The following CSMD1 variants were observed in gnomAD, a reference collection of about 807,000 sequenced individuals.
The protein encoded by CSMD1 is CUB and Sushi multiple domains 1.
CSMD1 carries 213 observed loss-of-function variants against 417.5 expected under a neutral mutation model. The ratio of observed to expected loss-of-function variants is 0.51; its 90% CI spans 0.46 to 0.57. The LOEUF is 0.57. Ranked by LOEUF, CSMD1 falls within the 20% of genes least tolerant of loss-of-function variation. CSMD1 has a pLI of 0.00. For missense variants in CSMD1, 6,923 were observed against 4,529.7 expected (o/e 1.53, Z -15.17); for synonymous variants, 2,862 against 1,736.8 (o/e 1.65, Z -16.11).
At chr8:3,247,158 C>T (rs1799934589) in intron 26 of CSMD1, among the ~76,000 whole-genome samples, 1 of 152,062 alleles carries the variant, frequency 6.6e-6, no homozygotes, top group African/African-American at 2.4e-5. Context: ...TTGTGGGATG[C>T]AGGGCAAGGG....
Position 2,965,837 on chromosome 8 carries a change from G to T in CSMD1, c.9218C>A (p.Thr3073Lys). ...TTTGGTACAGCGAATAGTGGCGGAT[G>T]TGACTGCTTCCATGACATAGCCTGG... ...CNPGYVMEAV[T>K]SATIRCTKDG... The change falls in exon 59 of 70, where the codon ACA becomes AAA. Residue 3073 changes from threonine to lysine, a missense_variant. By Grantham distance (78) the Thr-to-Lys change is moderately conservative (BLOSUM62 -1). Transcript: ENST00000635120. The T allele has an allele frequency of 6.2e-7, 1 of 1,608,656 alleles. No homozygotes were observed. The highest frequency in any genetic ancestry group is 8.5e-7 in the Non-Finnish European group (1 of 1,177,398).
intron 3 of CSMD1, among the ~76,000 whole-genome samples, chr8:4,311,471 C>A (rs1180207039): frequency 6.6e-6 from 1 of 152,006 alleles, no homozygotes; most frequent in African/African-American, 2.4e-5. Context: ...AGCTGTAATC[C>A]CAGCATTTCA....
chr8:4,595,545 G>C (rs1172614333), intron 2 of CSMD1, among the ~76,000 whole-genome samples: 4 of 151,992 alleles, frequency 2.6e-5, no homozygotes, highest in Non-Finnish European at 5.9e-5. Flanking sequence ...ACTAGCTCTG[G>C]TGGCACAGAA....
chr8:3,304,108 C>A (rs74959410), intron 25 of CSMD1, among the ~76,000 whole-genome samples: 2 of 151,990 alleles, frequency 1.3e-5, no homozygotes, highest in Non-Finnish European at 2.9e-5. Context: ...TTCCAAGATC[C>A]GGCTGTTTAT....
intron 3 of CSMD1, among the ~76,000 whole-genome samples, chr8:4,283,215 T>C (rs955121154): frequency 1.3e-5 from 2 of 152,200 alleles, no homozygotes; most frequent in Non-Finnish European, 2.9e-5. Flanking sequence ...ATGATTTTTC[T>C]AAATTTAAAG....
At chr8:3,031,928 T>A (rs1810366254) in intron 50 of CSMD1, among the ~76,000 whole-genome samples, 1 of 151,462 alleles carries the variant, frequency 6.6e-6, no homozygotes, top group Admixed American at 6.6e-5. Flanking sequence ...TACATTTTTT[T>A]AGTATAGTGA....
intron 2 of CSMD1, among the ~76,000 whole-genome samples, chr8:4,554,568 C>T (rs1526333): frequency 1.3e-5 from 2 of 151,982 alleles, no homozygotes; most frequent in African/African-American, 4.8e-5. Flanking sequence ...AAGTTAAGAG[C>T]GAAGCTGTAT....
intron 7 of CSMD1, among the ~76,000 whole-genome samples, chr8:3,635,858 G>C (rs1412094529): frequency 6.7e-6 from 1 of 150,298 alleles, no homozygotes; most frequent in Non-Finnish European, 1.5e-5. Flanking sequence ...GCACACTTAG[G>C]TTACTCTACA....
chr8:3,024,628 TTG>T (rs935120987), intron 51 of CSMD1, among the ~76,000 whole-genome samples: 1 of 152,228 alleles, frequency 6.6e-6, no homozygotes, highest in African/African-American at 2.4e-5. Flanking sequence ...TTTTTAAAAA[TTG>T]TGTTTTTCAC....
rs141850365 is a variant in CSMD1 at position 4,189,260 on chromosome 8, G to A, written c.416-157161C>T. Reference sequence around the variant, plus strand: ...GATCTAAGCCCACCTTTGCCCATCTGTAGAGAAACACTTCCTATCTCTTTA... The same window carrying A: ...GATCTAAGCCCACCTTTGCCCATCTATAGAGAAACACTTCCTATCTCTTTA... On this transcript the variant is annotated intron_variant, in intron 3 of 69. Coordinates refer to ENST00000635120, the MANE Select transcript of CSMD1 (RefSeq NM_033225.6). Among the ~76,000 whole-genome samples the A allele has an allele frequency of 9.0e-3, 1,366 of 152,296 alleles. 17 individuals carry two copies. Among genetic ancestry groups the A allele is most frequent in the African/African-American group, 0.031 (1,270 of 41,578 alleles).
At chr8:3,497,249 C>T (rs548090846) in intron 10 of CSMD1, among the ~76,000 whole-genome samples, 1 of 152,144 alleles carries the variant, frequency 6.6e-6, no homozygotes, top group African/African-American at 2.4e-5. Flanking sequence ...GCAGGATGTT[C>T]AAGTCCACAT....
Position 3,284,314 on chromosome 8 carries a change from G to T in CSMD1, c.3983C>A (p.Ala1328Asp), listed in dbSNP as rs1802975658. The T allele has an allele frequency of 6.2e-7, 1 of 1,613,900 alleles. No individual in the cohort carries two copies. The highest frequency in any genetic ancestry group is 2.2e-5 in the East Asian group (1 of 44,866). The change falls in exon 26 of 70, where the codon GCT (alanine) becomes GAT (aspartate). Residue 1328 changes from alanine (A) to aspartate (D), a missense_variant. Transcript: ENST00000635120. The part of the protein sequence containing the change: ...LHFIVFDTEM[A>D]HDILKVWDGP... The stretch of plus-strand genomic sequence containing the variant: ...GTCCCAGACCTTGAGGATGTCGTGA[G>T]CCATCTCCGTGTCGAAAACAATGAA...
At chr8:4,386,710 T>C (rs980039134) in intron 3 of CSMD1, among the ~76,000 whole-genome samples, 1 of 152,172 alleles carries the variant, frequency 6.6e-6, no homozygotes, top group Non-Finnish European at 1.5e-5. Context: ...AGGATCCAGA[T>C]GGTAAGGGAT....
intron 10 of CSMD1, among the ~76,000 whole-genome samples, chr8:3,540,429 C>A (rs540391165): frequency 6.6e-6 from 1 of 152,086 alleles, no homozygotes; most frequent in African/African-American, 2.4e-5. Flanking sequence ...TATAAAAACC[C>A]TAGAATAAAA....
At chr8:4,120,379 T>A (rs940522460) in intron 3 of CSMD1, among the ~76,000 whole-genome samples, 1 of 152,242 alleles carries the variant, frequency 6.6e-6, no homozygotes, top group African/African-American at 2.4e-5. Flanking sequence ...CTTAGACTAA[T>A]GCCAACATGC....
chr8:3,610,339 C>T (rs879876841), intron 8 of CSMD1, among the ~76,000 whole-genome samples: 1 of 152,064 alleles, frequency 6.6e-6, no homozygotes, highest in Non-Finnish European at 1.5e-5. Flanking sequence ...TAGAAACCAG[C>T]CTAGGCAACA....
In CSMD1 at chr8:3,138,879, C is replaced by T. The variant is rs1203827032; in HGVS notation, c.6241+3586G>A. ...AAGAAAGCATGGTAAACGCTTTCATCACAAAAGGAATAAGTCCGGTCTGCC... is the reference window on the plus strand; with the variant it reads ...AAGAAAGCATGGTAAACGCTTTCATTACAAAAGGAATAAGTCCGGTCTGCC... On this transcript the variant is annotated intron_variant, in intron 41 of 69. Transcript: ENST00000635120. Among the ~76,000 whole-genome samples, 3 of 152,110 alleles carry T rather than the reference C, an allele frequency of 2.0e-5. No homozygotes were observed. In the East Asian group the frequency reaches 5.8e-4, roughly 29 times the overall value.
intron 4 of CSMD1, among the ~76,000 whole-genome samples, chr8:4,011,032 G>A (rs912161801): frequency 6.6e-6 from 1 of 152,174 alleles, no homozygotes; most frequent in African/African-American, 2.4e-5. Context: ...TCCTTCTAAA[G>A]CTGCCAGCAT....
At chr8:4,775,350 G>A (rs57157386) in intron 1 of CSMD1, among the ~76,000 whole-genome samples, 25,246 of 151,948 alleles carry the variant, frequency 0.17, 2,136 homozygotes, top group East Asian at 0.27. Context: ...GGAACACTAC[G>A]AATTTTTATA....
Sources: gnomAD v4.1 joint callset for allele counts (sites outside exome capture counted in the v4.1 genomes callset) on GRCh38, gnomAD v4.1.1 for gene constraint, MANE v1.5 for transcripts, NCBI Gene and HGNC (gene_info 2026-07-23, HGNC 2026-07-21) for gene names.